Variants in IL33 observed in about 807,000 individuals in gnomAD.
The protein encoded by IL33 is interleukin-33.
IL33 carries 37 observed loss-of-function variants against 27.3 expected under a neutral mutation model. The ratio of observed to expected loss-of-function variants is 1.36; its 90% CI spans 1.04 to 1.78. The LOEUF is 1.78. Among genes scored for constraint, IL33 ranks in the 40% most tolerant of loss-of-function variants. IL33 has a pLI of 0.00. For synonymous variants in IL33, 132 were observed against 102.9 expected (o/e 1.28, Z -1.71); for missense variants, 406 against 311.4 (o/e 1.30, Z -2.29).
intron 1 of IL33, among the ~76,000 whole-genome samples, chr9:6,220,861 C>G (rs1818381644): frequency 6.6e-6 from 1 of 152,114 alleles, no homozygotes. Context: ...TCAGGCTATC[C>G]TCCCACCTCA....
intron 2 of IL33, among the ~76,000 whole-genome samples, chr9:6,247,617 G>T (rs573840431): frequency 1.3e-5 from 2 of 151,976 alleles, no homozygotes; most frequent in African/African-American, 4.8e-5. Flanking sequence ...TGCCCTCAGC[G>T]AGCAGGCAGG....
intron 1 of IL33, among the ~76,000 whole-genome samples, chr9:6,223,752 G>A (rs545593960): frequency 6.6e-6 from 1 of 152,132 alleles, no homozygotes; most frequent in East Asian, 1.9e-4. Context: ...TGCAACTGGG[G>A]AACACAGAAC....
chr9:6,215,566 G>C (rs1260800001), upstream of IL33, among the ~76,000 whole-genome samples: 2 of 152,178 alleles, frequency 1.3e-5, no homozygotes, highest in African/African-American at 4.8e-5. Context: ...ACTCCAAAGA[G>C]AGCCAAAACA....
At chr9:6,235,895 G>A (rs1819171599) in intron 1 of IL33, among the ~76,000 whole-genome samples, 1 of 152,062 alleles carries the variant, frequency 6.6e-6, no homozygotes, top group Admixed American at 6.6e-5. Flanking sequence ...ATTAATATCT[G>A]TCAAGCTATA....
intron 1 of IL33, among the ~76,000 whole-genome samples, chr9:6,239,153 A>G (rs1819391521): frequency 6.6e-6 from 1 of 152,224 alleles, no homozygotes; most frequent in Non-Finnish European, 1.5e-5. Context: ...TAGAAAAGGA[A>G]GCAAGCTCCA....
At chr9:6,232,984 A>AT (rs1369248395) in intron 1 of IL33, among the ~76,000 whole-genome samples, 1 of 152,118 alleles carries the variant, frequency 6.6e-6, no homozygotes, top group African/African-American at 2.4e-5. Flanking sequence ...TTTTTGAACC[A>AT]TTTTTTAAAA....
chr9:6,255,481 C>G (rs1320111286), intron 7 of IL33, among the ~76,000 whole-genome samples: 1 of 152,096 alleles, frequency 6.6e-6, no homozygotes, highest in Non-Finnish European at 1.5e-5. Flanking sequence ...CTCACAGTAA[C>G]TCTACAATGG....
chr9:6,222,274 G>A (rs1818444435), intron 1 of IL33, among the ~76,000 whole-genome samples: 1 of 152,182 alleles, frequency 6.6e-6, no homozygotes, highest in Non-Finnish European at 1.5e-5. Context: ...AATGTTGTGT[G>A]TTAGCAGGCA....
intron 2 of IL33, 136 bp downstream of exon 2, chr9:6,241,921 A>G (rs1819550683): frequency 1.5e-6 from 1 of 662,924 alleles, no homozygotes; most frequent in East Asian, 2.9e-5. Flanking sequence ...AAGAGATGGC[A>G]CATAAGGGTA....
chr9:6,216,769 T>G (rs529453811), intron 1 of IL33, among the ~76,000 whole-genome samples: 2 of 152,216 alleles, frequency 1.3e-5, no homozygotes, highest in South Asian at 4.2e-4. Flanking sequence ...GATGGAAACT[T>G]TGAATAAAAA....
At chr9:6,225,659 G>A (rs7048482) in intron 1 of IL33, among the ~76,000 whole-genome samples, 4,236 of 152,254 alleles carry the variant, frequency 0.028, 108 homozygotes, top group Non-Finnish European at 0.035. Flanking sequence ...CATATTGGAC[G>A]GGTGATTTTT....
At chr9:6,255,191 A>G (rs1816654365) in intron 7 of IL33, among the ~76,000 whole-genome samples, 1 of 152,178 alleles carries the variant, frequency 6.6e-6, no homozygotes, top group Non-Finnish European at 1.5e-5. Flanking sequence ...TTGACAAACA[A>G]GCCAAAGGTA....
intron 4 of IL33, among the ~76,000 whole-genome samples, chr9:6,251,812 G>C (rs1470406768): frequency 4.0e-5 from 6 of 151,442 alleles, no homozygotes. Context: ...GGCCGAGGTT[G>C]ATGGATCACC....
At chr9:6,234,399 G>A (rs1819078597) in intron 1 of IL33, among the ~76,000 whole-genome samples, 2 of 152,026 alleles carry the variant, frequency 1.3e-5, no homozygotes, top group African/African-American at 4.8e-5. Context: ...TTAACCACTG[G>A]AATTATGTCC....
intron 7 of IL33, 36 bp downstream of exon 7, chr9:6,254,589 G>A: frequency 6.3e-6 from 8 of 1,262,692 alleles, no homozygotes; most frequent in Non-Finnish European, 2.2e-6. Flanking sequence ...CTATATATAT[G>A]ATTACAGAAC....
At chr9:6,248,545 C>T (rs1820012937) in intron 2 of IL33, among the ~76,000 whole-genome samples, 1 of 151,842 alleles carries the variant, frequency 6.6e-6, no homozygotes. Flanking sequence ...GATTTGCCTG[C>T]CTCTAGAAGT....
intron 1 of IL33, among the ~76,000 whole-genome samples, chr9:6,227,738 T>C (rs1253076845): frequency 6.6e-6 from 1 of 152,214 alleles, no homozygotes; most frequent in South Asian, 2.1e-4. Context: ...CCTCAGTCTA[T>C]CACCCTCCTT....
In IL33 at chr9:6,254,507, C is replaced by T. The variant is rs1199876518; in HGVS notation, c.566C>T (p.Thr189Ile). 1.3e-6 allele frequency: 2 copies of T among 1,596,154 alleles called. No homozygotes were observed. Among genetic ancestry groups the T allele is most frequent in the Admixed American group, 3.4e-5 (2 of 59,424 alleles). ...ATGTTAATGGTAACCCTGAGTCCTA[C>T]AAAAGACTTCTGGTTGCATGCCAAC... is the stretch of plus-strand genomic sequence containing the variant. ...GKMLMVTLSP[T>I]KDFWLHANNK... Residue 189 changes from threonine (T) to isoleucine (I), a missense_variant, in exon 7 of 8, where the codon ACA becomes ATA. Coordinates refer to ENST00000682010, the MANE Select transcript of IL33 (RefSeq NM_033439.4).
At chr9:6,237,397 T>G (rs1354754179) in intron 1 of IL33, among the ~76,000 whole-genome samples, 8 of 152,238 alleles carry the variant, frequency 5.3e-5, no homozygotes, top group Admixed American at 5.2e-4. Context: ...TTTTGACTTA[T>G]CATGTGGTTC....
Sources: allele counts gnomAD v4.1 joint callset (sites outside exome capture counted in the v4.1 genomes callset), GRCh38; gene constraint gnomAD v4.1.1; transcripts MANE v1.5; gene names NCBI Gene and HGNC (gene_info 2026-07-23, HGNC 2026-07-21).